The following ASAP2 variants were observed in gnomAD, a reference collection of about 807,000 sequenced individuals.
The protein encoded by ASAP2 is arf-GAP with SH3 domain, ANK repeat and PH domain-containing protein 2.
Under a neutral mutation model 131.4 loss-of-function variants are expected in ASAP2, and 45 were observed. The observed-to-expected ratio is 0.34, with a 90% CI of 0.27 to 0.44. ASAP2 has a LOEUF of 0.44. Ranked by LOEUF, ASAP2 falls within the 20% of genes least tolerant of loss-of-function variation. The probability of loss-of-function intolerance (pLI) is 1.00; values close to 1 mark genes in which losing one functional copy is unlikely to be tolerated. For missense variants in ASAP2, 1,011 were observed against 1,297.0 expected (o/e 0.78, Z 3.39); for synonymous variants, 510 against 503.0 (o/e 1.01, Z -0.19).
At chr2:9,299,348 C>T (rs958569926) in intron 3 of ASAP2, among the ~76,000 whole-genome samples, 2 of 152,148 alleles carry the variant, frequency 1.3e-5, no homozygotes, top group African/African-American at 4.8e-5. Context: ...TGGCATGGAG[C>T]AATGCCATTA....
intron 1 of ASAP2, among the ~76,000 whole-genome samples, chr2:9,225,269 C>T (rs1662678825): frequency 6.6e-6 from 1 of 152,176 alleles, no homozygotes; most frequent in Non-Finnish European, 1.5e-5. Context: ...GTGGGTAGAT[C>T]TGTCTCACAG....
At chr2:9,328,160 C>T (rs1670596946) in intron 7 of ASAP2, among the ~76,000 whole-genome samples, 1 of 152,098 alleles carries the variant, frequency 6.6e-6, no homozygotes, top group African/African-American at 2.4e-5. Context: ...TCCACAGAGA[C>T]AGAAAGCAGG....
chr2:9,317,658 ACAAT>A (rs1345876504), intron 3 of ASAP2, among the ~76,000 whole-genome samples: 3 of 150,400 alleles, frequency 2.0e-5, no homozygotes, highest in Non-Finnish European at 4.4e-5. Context: ...ACACACTTAC[ACAAT>A]CACTCACATC....
chr2:9,266,878 T>C (rs1665981591), intron 1 of ASAP2, among the ~76,000 whole-genome samples: 1 of 152,130 alleles, frequency 6.6e-6, no homozygotes, highest in African/African-American at 2.4e-5. Context: ...CTGCATTCAG[T>C]TTCCTCTGTC....
chr2:9,214,402 G>T (rs1661842820), intron 1 of ASAP2, among the ~76,000 whole-genome samples: 1 of 152,016 alleles, frequency 6.6e-6, no homozygotes, highest in South Asian at 2.1e-4. Context: ...ACCATGCCCG[G>T]CTGATTTTTG....
intron 16 of ASAP2, among the ~76,000 whole-genome samples, chr2:9,373,246 GC>G (rs1674124611): frequency 6.6e-6 from 1 of 151,428 alleles, no homozygotes; most frequent in African/African-American, 2.5e-5. Flanking sequence ...TTCACCAGGT[GC>G]CCCTGGAAGT....
intron 9 of ASAP2, 29 bp downstream of exon 9, chr2:9,335,208 A>G (rs4392227): frequency 0.24 from 387,686 of 1,599,894 alleles, 50,969 homozygotes; most frequent in Non-Finnish European, 0.28. Flanking sequence ...GAAAGATTGC[A>G]GTTTTCACCC....
intron 21 of ASAP2, among the ~76,000 whole-genome samples, chr2:9,386,555 A>T (rs769521673): frequency 2.6e-5 from 4 of 152,240 alleles, no homozygotes; most frequent in Non-Finnish European, 4.4e-5. Context: ...TGCTCACCTG[A>T]TTCTCAGCAG....
chr2:9,398,877 C>T (rs1676398157), intron 24 of ASAP2: 1 of 151,990 alleles, frequency 6.6e-6, no homozygotes, highest in Non-Finnish European at 1.5e-5. Context: ...AAAAAGTCTG[C>T]TCACTGCTGT....
intron 1 of ASAP2, among the ~76,000 whole-genome samples, chr2:9,223,603 T>C (rs1662573540): frequency 6.6e-6 from 1 of 152,202 alleles, no homozygotes; most frequent in Admixed American, 6.5e-5. Context: ...CTGGCAGCCA[T>C]AGGGCGTACA....
intron 1 of ASAP2, among the ~76,000 whole-genome samples, chr2:9,255,739 T>C (rs1223798156): frequency 6.6e-6 from 1 of 152,240 alleles, no homozygotes; most frequent in East Asian, 1.9e-4. Flanking sequence ...GCTTGACCTG[T>C]ATTGCTTTTA....
At chr2:9,325,994 T>C (rs1670453247) in intron 6 of ASAP2, among the ~76,000 whole-genome samples, 1 of 152,196 alleles carries the variant, frequency 6.6e-6, no homozygotes, top group African/African-American at 2.4e-5. Flanking sequence ...TCATGGGCCG[T>C]GAAGGCCTTT....
chr2:9,286,447 A>AATATATATATATATAT (rs1553304561), intron 2 of ASAP2, among the ~76,000 whole-genome samples: 5 of 148,418 alleles, frequency 3.4e-5, no homozygotes, highest in African/African-American at 7.6e-5. Flanking sequence ...GAAAAAAAAA[A>AATATATATATATATAT]ATATATATAT....
chr2:9,251,562 C>T (rs2356779), intron 1 of ASAP2, among the ~76,000 whole-genome samples: 33,611 of 152,068 alleles, frequency 0.22, 3,838 homozygotes, highest in Non-Finnish European at 0.25. Context: ...TACTAAAACG[C>T]ATTACCTCAT....
intron 16 of ASAP2, among the ~76,000 whole-genome samples, chr2:9,370,344 GT>G: frequency 6.6e-6 from 1 of 152,180 alleles, no homozygotes; most frequent in East Asian, 1.9e-4. Context: ...ATTAAAGTCA[GT>G]TTATGTTTGA....
intron 22 of ASAP2, 64 bp from the exon 23 acceptor site, chr2:9,390,998 T>C: frequency 6.2e-7 from 1 of 1,612,330 alleles, no homozygotes; most frequent in Non-Finnish European, 8.5e-7. Flanking sequence ...CTGTTTCTGT[T>C]TTTGTTCGTG....
intron 21 of ASAP2, among the ~76,000 whole-genome samples, chr2:9,385,938 G>A (rs987227093): frequency 2.4e-4 from 36 of 152,318 alleles, no homozygotes; most frequent in African/African-American, 8.2e-4. Flanking sequence ...TGCTTCATAC[G>A]CAGGGGTGAG....
At chr2:9,253,118 G>C (rs117309678) in intron 1 of ASAP2, among the ~76,000 whole-genome samples, 3,728 of 152,164 alleles carry the variant, frequency 0.024, 94 homozygotes, top group Admixed American at 0.085. Context: ...TTTAAAGTCA[G>C]CTGAATTGAG....
chr2:9,350,906 C>A lies in ASAP2; in HGVS notation c.1111+11C>A. On this transcript the variant is annotated intron_variant, in intron 12 of 27. Coordinates refer to ENST00000281419, the MANE Select transcript of ASAP2 (RefSeq NM_003887.3). ...TTGACCTCATTTCACGTAAGGCTCC[C>A]TCTGAGATGCCGCGCCATAGAGACG... is the stretch of plus-strand genomic sequence containing the variant. 2 of 1,593,744 alleles carry A rather than the reference C, an allele frequency of 1.3e-6. No homozygotes were observed. Among genetic ancestry groups the A allele is most frequent in the Non-Finnish European group, 1.7e-6 (2 of 1,164,654 alleles).
Sources: gnomAD v4.1 joint callset for allele counts (sites outside exome capture counted in the v4.1 genomes callset) on GRCh38, gnomAD v4.1.1 for gene constraint, MANE v1.5 for transcripts, NCBI Gene and HGNC (gene_info 2026-07-23, HGNC 2026-07-21) for gene names.